DAB1: variants seen among roughly 807,000 people sequenced by gnomAD.
DAB1 encodes disabled homolog 1.
A neutral mutation model predicts 64.6 loss-of-function variants in DAB1; 15 were observed. The observed-to-expected ratio is 0.23, with a 90% CI of 0.16 to 0.36. The LOEUF (loss-of-function observed/expected upper bound fraction) is 0.36, where lower values mean the gene tolerates loss of function less well. DAB1 is among the 10% of genes least tolerant of loss of function. The pLI, the probability that DAB1 is intolerant of heterozygous loss-of-function variation, is 1.00. For synonymous variants in DAB1, 235 were observed against 251.9 expected, an observed-to-expected ratio of 0.93 and a Z score of 0.64; for missense variants, 596 against 706.7, an observed-to-expected ratio of 0.84 and a Z score of 1.78.
intron 3 of DAB1, among the ~76,000 whole-genome samples, chr1:58,493,216 G>A (rs910686753): frequency 3.3e-4 from 50 of 152,028 alleles, no homozygotes; most frequent in African/African-American, 1.1e-3. Context: ...AAATTCAACA[G>A]CCCTTCATGC....
chr1:58,307,382 G>C (rs775674188), intron 4 of DAB1, among the ~76,000 whole-genome samples: 11 of 152,146 alleles, frequency 7.2e-5, no homozygotes, highest in Non-Finnish European at 8.8e-5. Flanking sequence ...AGAGGTGAGA[G>C]AGGTCGACAG....
At chr1:57,846,096 A>G (rs1303330462) in intron 1 of DAB1, among the ~76,000 whole-genome samples, 2 of 152,124 alleles carry the variant, frequency 1.3e-5, no homozygotes, top group African/African-American at 4.8e-5. Context: ...ATGAGCCGGT[A>G]GTAGTGGTCA....
chr1:58,532,644 C>G (rs901564819), intron 1 of DAB1, among the ~76,000 whole-genome samples: 2 of 152,170 alleles, frequency 1.3e-5, no homozygotes, highest in African/African-American at 4.8e-5. Flanking sequence ...CCTCCTGCCT[C>G]AGGCTCCAGA....
At chr1:57,446,940 A>G (rs974304527) in intron 7 of DAB1, among the ~76,000 whole-genome samples, 17 of 152,110 alleles carry the variant, frequency 1.1e-4, no homozygotes. Context: ...CTTAGAATCT[A>G]TTTCTCTGAA....
At chr1:57,781,124 CTCTATATATATATATATATATA>C (rs1243761625) in intron 6 of DAB1, among the ~76,000 whole-genome samples, 102 of 38,880 alleles carry the variant, frequency 2.6e-3, no homozygotes, top group African/African-American at 0.01. Context: ...CTCTCTCTCT[CTCTATATATATATATATATATA>C]TATATATATA....
intron 2 of DAB1, among the ~76,000 whole-genome samples, chr1:57,226,383 C>T (rs1005091980): frequency 6.6e-6 from 1 of 152,016 alleles, no homozygotes; most frequent in Non-Finnish European, 1.5e-5. Context: ...GTGGCAACTC[C>T]ATCCTTCCCA....
chr1:57,403,870 C>T (rs987939032), intron 1 of DAB1, among the ~76,000 whole-genome samples: 12 of 152,086 alleles, frequency 7.9e-5, no homozygotes, highest in African/African-American at 2.2e-4. Flanking sequence ...GTCTCACTAG[C>T]TACATTTCAA....
chr1:57,276,814 A>C (rs747872245), intron 2 of DAB1, among the ~76,000 whole-genome samples: 7 of 152,250 alleles, frequency 4.6e-5, no homozygotes, highest in Admixed American at 2.0e-4. Context: ...TCAACTTACT[A>C]TAATAAACTA....
At chr1:57,527,100 G>T (rs1360516502) in intron 7 of DAB1, among the ~76,000 whole-genome samples, 1 of 152,042 alleles carries the variant, frequency 6.6e-6, no homozygotes, top group Non-Finnish European at 1.5e-5. Context: ...TGAAACTAGA[G>T]AACTCTAATC....
At chr1:57,011,313 G>C in intron 12 of DAB1, 41 bp from the exon 13 acceptor site, 1 of 1,602,060 alleles carries the variant, frequency 6.2e-7, no homozygotes, top group Non-Finnish European at 8.5e-7. Context: ...TTAAGTGCCT[G>C]GCTGCCATGA....
At chr1:57,100,521 T>C (rs1231838254) in intron 4 of DAB1, among the ~76,000 whole-genome samples, 3 of 152,160 alleles carry the variant, frequency 2.0e-5, no homozygotes, top group South Asian at 2.1e-4. Flanking sequence ...ATAATGGACA[T>C]GCTGTATTAT....
At chr1:58,323,285 C>T (rs916744010) in intron 4 of DAB1, among the ~76,000 whole-genome samples, 1 of 151,698 alleles carries the variant, frequency 6.6e-6, no homozygotes, top group Non-Finnish European at 1.5e-5. Context: ...CATCACTCTC[C>T]TTGCTCTTCT....
At chr1:57,006,239 T>G (rs1434438656) in intron 14 of DAB1, among the ~76,000 whole-genome samples, 1 of 152,226 alleles carries the variant, frequency 6.6e-6, no homozygotes, top group African/African-American at 2.4e-5. Context: ...CTAGCCTTGA[T>G]TTCTCTTTTG....
At chr1:58,004,751 A>G (rs145303005) in intron 5 of DAB1, among the ~76,000 whole-genome samples, 2 of 152,272 alleles carry the variant, frequency 1.3e-5, no homozygotes, top group Non-Finnish European at 2.9e-5. Context: ...TTTTCTCATG[A>G]TCATTGCATG....
intron 4 of DAB1, among the ~76,000 whole-genome samples, chr1:58,285,920 AC>A (rs879749597): frequency 9.2e-5 from 14 of 152,236 alleles, no homozygotes; most frequent in Non-Finnish European, 1.6e-4. Flanking sequence ...AAACTACACT[AC>A]AAGGCCACAG....
chr1:57,392,479 T>C (rs1682463675), intron 1 of DAB1, among the ~76,000 whole-genome samples: 1 of 152,206 alleles, frequency 6.6e-6, no homozygotes, highest in South Asian at 2.1e-4. Flanking sequence ...AGTCATGCAC[T>C]GTGCTAGGTA....
intron 7 of DAB1, among the ~76,000 whole-genome samples, chr1:57,507,757 A>G (rs2101338189): frequency 6.6e-6 from 1 of 152,338 alleles, no homozygotes; most frequent in Middle Eastern, 3.4e-3. Flanking sequence ...ATCAGTTAGT[A>G]TCTCAGATAT....
At chr1:57,310,543 G>T (rs867683891) in intron 1 of DAB1, among the ~76,000 whole-genome samples, 15 of 152,164 alleles carry the variant, frequency 9.9e-5, no homozygotes, top group African/African-American at 3.4e-4. Flanking sequence ...CAGGAAGTAA[G>T]CAATTGTGCC....
intron 7 of DAB1, among the ~76,000 whole-genome samples, chr1:57,563,207 C>T (rs573658832): frequency 6.6e-6 from 1 of 152,152 alleles, no homozygotes; most frequent in Non-Finnish European, 1.5e-5. Context: ...ACCACATGAC[C>T]AGCTGCAAAA....
Sources: allele counts gnomAD v4.1 joint callset (sites outside exome capture counted in the v4.1 genomes callset), GRCh38; gene constraint gnomAD v4.1.1; transcripts MANE v1.5; gene names NCBI Gene and HGNC (gene_info 2026-07-23, HGNC 2026-07-21).